The following SPON1 variants were observed in gnomAD, a reference collection of about 807,000 sequenced individuals.
The protein encoded by SPON1 is spondin 1.
In SPON1, 52 loss-of-function variants were observed where a neutral mutation model predicts 111.7. The observed-to-expected ratio is 0.47, with a 90% CI of 0.37 to 0.59. The LOEUF (loss-of-function observed/expected upper bound fraction) is 0.59, where lower values mean the gene tolerates loss of function less well. Among genes scored for constraint, SPON1 ranks in the 20% least tolerant of loss-of-function variants. The pLI is 0.00. For missense variants in SPON1, 957 were observed against 1,068.5 expected, an observed-to-expected ratio of 0.90 and a Z score of 1.46; for synonymous variants, 410 against 395.8, an observed-to-expected ratio of 1.04 and a Z score of -0.43.
chr11:14,149,323 A>G (rs1564915946), intron 6 of SPON1, among the ~76,000 whole-genome samples: 1 of 152,228 alleles, frequency 6.6e-6, no homozygotes, highest in Admixed American at 6.5e-5. Context: ...AAAGTTAAAA[A>G]AAGAATTAAA....
chr11:14,224,558 G>C lies in SPON1; in HGVS notation c.826-18774G>C, dbSNP rs148870548. 5.5e-3 allele frequency among the ~76,000 whole-genome samples: 832 copies of C among 152,262 alleles called. 12 individuals carry two copies. The highest frequency in any genetic ancestry group is 0.019 in the African/African-American group (804 of 41,552). ...AGCTGCATGAATGGGACTGAATTTA[G>C]CTTCTCTAAGCTGCAGTTTCCTCAG... On this transcript the variant is annotated intron_variant, in intron 6 of 15. Coordinates refer to ENST00000576479, the MANE Select transcript of SPON1 (RefSeq NM_006108.4).
In SPON1 at chr11:14,013,792, C is replaced by A. The variant is rs1848423389; in HGVS notation, c.346-27729C>A. Among the ~76,000 whole-genome samples, 3 of 152,092 alleles carry A rather than the reference C, an allele frequency of 2.0e-5. No homozygotes were observed. The South Asian group carries it at 6.2e-4, about 32-fold the overall frequency. ...CTCCTTGACCTCTAATCTTCACAAGCAATCTAGGAAAAGTGTTATGAACAT... is the reference window on the plus strand; with the variant it reads ...CTCCTTGACCTCTAATCTTCACAAGAAATCTAGGAAAAGTGTTATGAACAT... On this transcript the variant is annotated intron_variant, in intron 2 of 15. Coordinates refer to ENST00000576479, the MANE Select transcript of SPON1 (RefSeq NM_006108.4).
intron 2 of SPON1, among the ~76,000 whole-genome samples, chr11:14,021,906 A>G (rs1848483888): frequency 6.6e-6 from 1 of 152,210 alleles, no homozygotes; most frequent in Non-Finnish European, 1.5e-5. Context: ...TTATTTGTAA[A>G]GAACAAAGGG....
At position 13,982,888 on chromosome 11, in the gene SPON1, A is replaced by G. The variant is rs371805769; in HGVS notation, c.280A>G (p.Thr94Ala). ...TCCTCCCTCCTACTTCAGAGGATTC[A>G]CATTAATTGCCCTCAGAGAGAACAG... ...AAPPSYFRGF[T>A]LIALRENREG... Residue 94 changes from threonine to alanine, a missense_variant, in exon 2 of 16, where the codon ACA becomes GCA. By Grantham distance (58) the Thr-to-Ala change is moderately conservative. This residue lies in a region of SPON1 where 262 missense variants were observed against 253.9 expected (regional missense o/e 1.03). Coordinates refer to ENST00000576479, the MANE Select transcript of SPON1 (RefSeq NM_006108.4). The G allele has an allele frequency of 1.9e-6, 3 of 1,562,790 alleles. No individual in the cohort carries two copies. Among genetic ancestry groups the G allele is most frequent in the Non-Finnish European group, 2.6e-6 (3 of 1,152,412 alleles).
chr11:14,004,995 G>A (rs1848347958), intron 2 of SPON1, among the ~76,000 whole-genome samples: 1 of 152,112 alleles, frequency 6.6e-6, no homozygotes, highest in East Asian at 1.9e-4. Flanking sequence ...TTTTTTTAGA[G>A]ATGGAGTCTC....
At chr11:14,043,726 T>C (rs549644016) in intron 3 of SPON1, among the ~76,000 whole-genome samples, 10 of 152,370 alleles carry the variant, frequency 6.6e-5, no homozygotes, top group Admixed American at 6.5e-4. Context: ...CTTTGATTTA[T>C]TGTTCTTACA....
At chr11:13,983,983 C>G (rs147638938) in intron 2 of SPON1, among the ~76,000 whole-genome samples, 1 of 152,186 alleles carries the variant, frequency 6.6e-6, no homozygotes, top group East Asian at 1.9e-4. Flanking sequence ...AATTATTTTT[C>G]TGCTCTCTGG....
intron 8 of SPON1, 48 bp downstream of exon 8, chr11:14,254,777 T>G: frequency 6.4e-7 from 1 of 1,563,738 alleles, no homozygotes. Context: ...CCTACCCGCT[T>G]CCTGAGTGTC....
intron 5 of SPON1, among the ~76,000 whole-genome samples, chr11:14,103,045 G>C (rs879993377): frequency 3.3e-5 from 5 of 152,140 alleles, no homozygotes; most frequent in Non-Finnish European, 5.9e-5. Context: ...TGATATAAAT[G>C]TTCTGCCTGG....
At chr11:14,043,162 G>T (rs1848644539) in intron 3 of SPON1, among the ~76,000 whole-genome samples, 1 of 152,202 alleles carries the variant, frequency 6.6e-6, no homozygotes, top group Non-Finnish European at 1.5e-5. Flanking sequence ...TGTGTTCAGA[G>T]CCTGTTGTAT....
At chr11:14,144,583 T>C (rs2133865151) in intron 6 of SPON1, among the ~76,000 whole-genome samples, 1 of 151,522 alleles carries the variant, frequency 6.6e-6, no homozygotes, top group Middle Eastern at 3.5e-3. Context: ...TGAGCTGAGA[T>C]TGTGCCACTG....
intron 5 of SPON1, among the ~76,000 whole-genome samples, chr11:14,083,603 T>C (rs1169843555): frequency 6.6e-6 from 1 of 152,210 alleles, no homozygotes; most frequent in Admixed American, 6.5e-5. Context: ...TGGAAAATAT[T>C]GGTTTACTGA....
intron 7 of SPON1, among the ~76,000 whole-genome samples, chr11:14,247,976 T>A (rs1554940371): frequency 6.6e-6 from 1 of 152,178 alleles, no homozygotes; most frequent in South Asian, 2.1e-4. Flanking sequence ...AGGACTGAGT[T>A]CCAAAGATCT....
At chr11:14,169,690 A>C (rs577448009) in intron 6 of SPON1, among the ~76,000 whole-genome samples, 1 of 151,812 alleles carries the variant, frequency 6.6e-6, no homozygotes, top group South Asian at 2.1e-4. Flanking sequence ...GTGTAAGGAG[A>C]TCCAGTTTCA....
intron 5 of SPON1, among the ~76,000 whole-genome samples, chr11:14,121,699 TTCC>T (rs1356050819): frequency 3.9e-5 from 6 of 152,338 alleles, no homozygotes; most frequent in African/African-American, 1.4e-4. Context: ...GCACTCTTTA[TTCC>T]TTCATGTAGA....
At chr11:14,163,650 A>G (rs1847993150) in intron 6 of SPON1, among the ~76,000 whole-genome samples, 1 of 152,166 alleles carries the variant, frequency 6.6e-6, no homozygotes, top group African/African-American at 2.4e-5. Flanking sequence ...TTTTACTGTC[A>G]TCACTATGGA....
At chr11:14,006,929 G>T (rs1289146665) in intron 2 of SPON1, among the ~76,000 whole-genome samples, 3 of 152,150 alleles carry the variant, frequency 2.0e-5, no homozygotes, top group Non-Finnish European at 2.9e-5. Flanking sequence ...TTACAATTCT[G>T]GGGTCCAGAA....
intron 2 of SPON1, among the ~76,000 whole-genome samples, chr11:13,983,266 A>G (rs963776401): frequency 6.6e-6 from 1 of 152,250 alleles, no homozygotes; most frequent in East Asian, 1.9e-4. Context: ...TTTTGCCTGC[A>G]CAGGCATTTC....
intron 3 of SPON1, among the ~76,000 whole-genome samples, chr11:14,066,949 G>A (rs1848837286): frequency 6.6e-6 from 1 of 152,150 alleles, no homozygotes; most frequent in Non-Finnish European, 1.5e-5. Flanking sequence ...GCCTAGGCAA[G>A]CGGATCACTT....
Sources: gnomAD v4.1 joint callset for allele counts (sites outside exome capture counted in the v4.1 genomes callset) on GRCh38, gnomAD v4.1.1 for gene constraint, gnomAD v4.1.1 regional missense constraint, MANE v1.5 for transcripts, NCBI Gene and HGNC (gene_info 2026-07-23, HGNC 2026-07-21) for gene names.